The following INO80D variants were observed in gnomAD, a reference collection of about 807,000 sequenced individuals.
The protein encoded by INO80D is INO80 complex subunit D.
INO80D carries 21 observed loss-of-function variants against 87.6 expected under a neutral mutation model. That is an observed-to-expected ratio of 0.24 (90% CI 0.17 to 0.35). INO80D has a LOEUF of 0.35. Among genes scored for constraint, INO80D ranks in the 10% least tolerant of loss-of-function variants. INO80D has a pLI of 1.00. For missense variants in INO80D, 982 were observed against 1,280.7 expected (o/e 0.77, Z 3.56); for synonymous variants, 440 against 491.0 (o/e 0.90, Z 1.37).
At position 206,086,019 on chromosome 2, in the gene INO80D, C is replaced by G. The variant is rs945132137; in HGVS notation, c.-242G>C. The G allele has an allele frequency of 3.3e-5, 5 of 152,446 alleles. No homozygotes were observed. The highest frequency in any genetic ancestry group is 1.2e-4 in the African/African-American group (5 of 41,456). The allele number at this position is 152,446 out of a possible 1,614,324, so 9.4% of individuals were successfully genotyped here. A position where few individuals can be genotyped will look rare whatever the true frequency, so the allele number is the denominator to read the frequency against. On this transcript the variant is annotated 5_prime_UTR_variant, in exon 1 of 11. Coordinates refer to ENST00000403263, the MANE Select transcript of INO80D (RefSeq NM_017759.5). Reference sequence around the variant, plus strand: ...CGGCTGCCGCTGCTACTGCTCCCCCCTGGGCTCCGGCGAGAGCCTTTCCCT... The same window carrying G: ...CGGCTGCCGCTGCTACTGCTCCCCCGTGGGCTCCGGCGAGAGCCTTTCCCT...
At chr2:206,022,715 C>T (rs541319669) in intron 6 of INO80D, among the ~76,000 whole-genome samples, 1 of 152,174 alleles carries the variant, frequency 6.6e-6, no homozygotes, top group African/African-American at 2.4e-5. Flanking sequence ...TGTATACAAA[C>T]TATATTTTAT....
rs930519421 is a variant in INO80D at position 206,085,446 on chromosome 2, T to A, written c.-124+455A>T. 1.3e-5 allele frequency: 2 copies of A among 151,188 alleles called. No homozygotes were observed. Among genetic ancestry groups the A allele is most frequent in the African/African-American group, 4.9e-5 (2 of 41,142 alleles). The allele number at this position is 151,188 out of a possible 1,614,324, so 9.4% of individuals were successfully genotyped here. ...GGGCCTGCCGCCCCGCGGGAAAGCC[T>A]CCGGGCCGGCGCGGGATTCGGCCCA... On this transcript the variant is annotated intron_variant, in intron 1 of 10. Coordinates refer to ENST00000403263, the MANE Select transcript of INO80D (RefSeq NM_017759.5). This position sits in a 1 kb window ranked among gnomAD's most constrained non-coding sequence, Gnocchi z 4.5.
At chr2:206,053,958 G>T (rs1353181675) in intron 4 of INO80D, among the ~76,000 whole-genome samples, 1 of 151,684 alleles carries the variant, frequency 6.6e-6, no homozygotes. Context: ...TCCTGCCTCA[G>T]CCTCCCAAGT....
In INO80D at chr2:206,040,666, A is replaced by T. The variant is rs561943982; in HGVS notation, c.1073+5838T>A. ...GTCTTTTGTGAAGGTTTATAACTAC[A>T]ATCATCTTACGCCTACAGTGCACTC... On this transcript the variant is annotated intron_variant, in intron 5 of 10. Coordinates refer to ENST00000403263, the MANE Select transcript of INO80D (RefSeq NM_017759.5). 53 of 227,732 alleles carry T rather than the reference A, an allele frequency of 2.3e-4. No individual in the cohort carries two copies. The South Asian group carries it at 2.6e-3, about 11-fold the overall frequency. The allele number at this position is 227,732 out of a possible 1,614,324, so 14.1% of individuals were successfully genotyped here.
chr2:206,050,496 G>GAAAAAAAAAAAAAAAAAAAA (rs3079265), intron 4 of INO80D, among the ~76,000 whole-genome samples: 1 of 99,544 alleles, frequency 1.0e-5, no homozygotes, highest in Non-Finnish European at 1.8e-5. Flanking sequence ...CGTCTCAAAA[G>GAAAAAAAAAAAAAAAAAAAA]AAAAAAAAAA....
chr2:206,019,704 T>C (rs779252547), intron 7 of INO80D, 32 bp downstream of exon 7: 47 of 1,550,052 alleles, frequency 3.0e-5, no homozygotes, highest in Non-Finnish European at 3.9e-5. Context: ...TAGTACTTTT[T>C]CAATGCACAT....
intron 1 of INO80D, among the ~76,000 whole-genome samples, chr2:206,072,442 A>T (rs1284964512): frequency 2.6e-5 from 4 of 151,638 alleles, no homozygotes; most frequent in African/African-American, 4.8e-5. Context: ...CGCCCAGCCA[A>T]TTTTTTTGTA....
intron 5 of INO80D, among the ~76,000 whole-genome samples, chr2:206,037,956 A>C (rs1243478766): frequency 1.3e-5 from 2 of 152,254 alleles, no homozygotes; most frequent in Non-Finnish European, 2.9e-5. Context: ...TTAGGGGCTT[A>C]TTATAAGTGA....
At chr2:206,070,783 G>A (rs942613699) in intron 1 of INO80D, among the ~76,000 whole-genome samples, 4 of 151,870 alleles carry the variant, frequency 2.6e-5, no homozygotes, top group Non-Finnish European at 4.4e-5. Context: ...CAGCTTGTCT[G>A]GAAATAAAAT....
intron 8 of INO80D, among the ~76,000 whole-genome samples, chr2:206,015,812 T>C (rs1000967558): frequency 1.3e-5 from 2 of 151,832 alleles, no homozygotes; most frequent in Non-Finnish European, 2.9e-5. Context: ...GCTTAAACCT[T>C]GAAAGCAGAG....
intron 1 of INO80D, among the ~76,000 whole-genome samples, chr2:206,082,733 C>T (rs904635885): frequency 3.9e-5 from 6 of 152,178 alleles, no homozygotes; most frequent in Admixed American, 1.3e-4. Flanking sequence ...TTTCATTAGC[C>T]ATAACCATTG....
At chr2:206,032,358 T>G (rs1559443791) in intron 5 of INO80D, among the ~76,000 whole-genome samples, 1 of 151,924 alleles carries the variant, frequency 6.6e-6, no homozygotes. Flanking sequence ...ATGGTGGGAG[T>G]GAAACCAGCC....
intron 6 of INO80D, among the ~76,000 whole-genome samples, chr2:206,023,521 A>G (rs1005978689): frequency 6.6e-6 from 1 of 151,888 alleles, no homozygotes; most frequent in African/African-American, 2.4e-5. Flanking sequence ...GTCTCCACTA[A>G]AAATACAAAA....
In INO80D at chr2:206,056,743, A is replaced by T; in HGVS notation, c.419T>A (p.Leu140His). The change falls in exon 4 of 11, where the codon CTC (leucine) becomes CAC (histidine). Residue 140 changes from leucine (L) to histidine (H), a missense_variant. Transcript: ENST00000403263. ...TTCCAATTCGGTTTCCAGGTAGTGG[A>T]GAGGGACCCTTGCCCCAGGTGGAGA... ...SLSPPGARVP[L>H]HYLETELEDP... is the part of the protein sequence containing the mutation. 6.2e-7 allele frequency: 1 copy of T among 1,613,106 alleles called. No homozygotes were observed. The highest frequency in any genetic ancestry group is 8.5e-7 in the Non-Finnish European group (1 of 1,179,460).
chr2:206,013,915 T>C (rs1688247333), intron 8 of INO80D, among the ~76,000 whole-genome samples: 1 of 151,122 alleles, frequency 6.6e-6, no homozygotes, highest in African/African-American at 2.4e-5. Context: ...TCCCAGCACT[T>C]TGGGAGACCA....
chr2:206,005,167 A>G lies in INO80D; in HGVS notation c.2285T>C (p.Val762Ala), dbSNP rs752627475. 4.3e-6 allele frequency: 7 copies of G among 1,614,020 alleles called. No homozygotes were observed. The South Asian group carries it at 6.6e-5, about 15-fold the overall frequency. ...GATCAGAGTGGCAGAAGTAAGGCCA[A>G]CGTTGGCTGGGGCAGAGAACTGCCC... ...IQGQFSAPAN[V>A]GLTSATLISQ... The change falls in exon 11 of 11, where the codon GTT becomes GCT. Residue 762 changes from valine to alanine, a missense_variant. Coordinates refer to ENST00000403263, the MANE Select transcript of INO80D (RefSeq NM_017759.5).
intron 4 of INO80D, among the ~76,000 whole-genome samples, chr2:206,051,110 A>T (rs1401868275): frequency 2.0e-5 from 3 of 152,216 alleles, no homozygotes; most frequent in African/African-American, 7.2e-5. Context: ...TCTTGGGATG[A>T]AGAGAATCCA....
intron 8 of INO80D, among the ~76,000 whole-genome samples, chr2:206,010,144 A>G (rs1471411379): frequency 6.6e-6 from 1 of 152,052 alleles, no homozygotes; most frequent in Non-Finnish European, 1.5e-5. Flanking sequence ...AGGTTTGTAC[A>G]CTGTTGGTAC....
At chr2:206,009,236 A>T (rs1466178144) in intron 9 of INO80D, among the ~76,000 whole-genome samples, 2 of 152,162 alleles carry the variant, frequency 1.3e-5, no homozygotes, top group Non-Finnish European at 2.9e-5. Flanking sequence ...TGAACCCTGG[A>T]GGCAGAGGTT....
Sources: gnomAD v4.1 joint callset for allele counts (sites outside exome capture counted in the v4.1 genomes callset) on GRCh38, gnomAD v4.1.1 for gene constraint, Gnocchi (gnomAD v3.1) non-coding constraint, MANE v1.5 for transcripts, NCBI Gene and HGNC (gene_info 2026-07-23, HGNC 2026-07-21) for gene names.